The following SCFD2 variants were observed in gnomAD, a reference collection of about 807,000 sequenced individuals.
SCFD2 encodes the protein sec1 family domain containing 2, also known as sec1 family domain-containing protein 2.
In SCFD2, 54 loss-of-function variants were observed where a neutral mutation model predicts 58.9. That is an observed-to-expected ratio of 0.92 (90% confidence interval 0.74 to 1.15). The LOEUF (loss-of-function observed/expected upper bound fraction) is 1.15. Ranked by LOEUF, SCFD2 falls within the 50% of genes most tolerant of loss-of-function variation. The probability of loss-of-function intolerance (pLI) is 0.00; values close to 1 mark genes in which losing one functional copy is unlikely to be tolerated. For missense variants in SCFD2, 805 were observed against 836.6 expected, an observed-to-expected ratio of 0.96 and a Z score of 0.47; for synonymous variants, 321 against 335.9, an observed-to-expected ratio of 0.96 and a Z score of 0.49.
intron 2 of SCFD2, among the ~76,000 whole-genome samples, chr4:53,333,582 C>A (rs1327621006): frequency 2.0e-5 from 3 of 151,488 alleles, no homozygotes; most frequent in African/African-American, 7.3e-5. Flanking sequence ...TTCCTTATAC[C>A]TTATACAAAA....
intron 2 of SCFD2, among the ~76,000 whole-genome samples, chr4:53,334,136 C>G (rs1281353389): frequency 6.6e-6 from 1 of 151,926 alleles, no homozygotes; most frequent in Admixed American, 6.6e-5. Context: ...AATAGGAACA[C>G]TTTTACACTG....
At chr4:53,282,389 T>A (rs1456469249) in intron 3 of SCFD2, among the ~76,000 whole-genome samples, 2 of 152,192 alleles carry the variant, frequency 1.3e-5, no homozygotes, top group Admixed American at 1.3e-4. Flanking sequence ...GGAGATTTTC[T>A]TAATTTATCT....
Position 53,365,033 on chromosome 4 carries a change from A to G in SCFD2, c.838+71T>C. 2.7e-6 allele frequency: 4 copies of G among 1,503,926 alleles called. No homozygotes were observed. The highest frequency in any genetic ancestry group is 3.6e-6 in the Non-Finnish European group (4 of 1,116,880). The allele number at this position is 1,503,926 out of a possible 1,614,324, so 93.2% of individuals were successfully genotyped here. Reference sequence around the variant, plus strand: ...ATATATAATAAAAGGTCAATAAAATATATGCTGAATCAATGAAAGTCCCAG... The same window carrying G: ...ATATATAATAAAAGGTCAATAAAATGTATGCTGAATCAATGAAAGTCCCAG... On this transcript the variant is annotated intron_variant, in intron 1 of 8. Transcript: ENST00000401642. The surrounding 1 kb of genome is among the most constrained non-coding windows in gnomAD (Gnocchi z 4.3).
At chr4:52,918,203 A>G (rs1252773712) in intron 6 of SCFD2, among the ~76,000 whole-genome samples, 2 of 152,204 alleles carry the variant, frequency 1.3e-5, no homozygotes, top group Non-Finnish European at 2.9e-5. Context: ...TGAACAGAAT[A>G]TTGTTTAGCC....
At chr4:53,304,406 A>G (rs1039152833) in intron 3 of SCFD2, among the ~76,000 whole-genome samples, 48 of 152,114 alleles carry the variant, frequency 3.2e-4, no homozygotes, top group African/African-American at 1.2e-3. Context: ...CTCCTGGATA[A>G]TATCCTGAAG....
chr4:52,994,557 A>C (rs527366074), intron 5 of SCFD2, among the ~76,000 whole-genome samples: 43 of 152,272 alleles, frequency 2.8e-4, no homozygotes, highest in Non-Finnish European at 5.1e-4. Flanking sequence ...GAGATGAGTA[A>C]ACCAAGGTAT....
At chr4:52,921,160 A>T (rs1436926254) in intron 5 of SCFD2, among the ~76,000 whole-genome samples, 20 of 152,172 alleles carry the variant, frequency 1.3e-4, no homozygotes, top group Non-Finnish European at 1.5e-5. Context: ...CATTTCACAG[A>T]AAGCAAGCTC....
chr4:52,891,357 G>A (rs1718873030), intron 7 of SCFD2, among the ~76,000 whole-genome samples: 1 of 152,152 alleles, frequency 6.6e-6, no homozygotes, highest in Non-Finnish European at 1.5e-5. Flanking sequence ...TAAGTCAGTG[G>A]GTAAGTAAGG....
Position 52,886,945 on chromosome 4 carries a change from A to G in SCFD2, c.1843-1079T>C, listed in dbSNP as rs968866154. ...CCCCTTCTTTGTTGCATGGCTCTGT[A>G]TATTTCCTTCAAAGCATCTACAGCA... On this transcript the variant is annotated intron_variant, in intron 7 of 8. Transcript: ENST00000401642. Among the ~76,000 whole-genome samples, 12 of 152,230 alleles carry G rather than the reference A, an allele frequency of 7.9e-5. No homozygotes were observed. In the East Asian group the frequency reaches 2.3e-3, roughly 29 times the overall value.
chr4:53,114,536 T>A (rs552702195), intron 5 of SCFD2, among the ~76,000 whole-genome samples: 1 of 152,230 alleles, frequency 6.6e-6, no homozygotes, highest in South Asian at 2.1e-4. Context: ...ATTTGAATAA[T>A]TGTGGATTTC....
chr4:53,303,599 T>C (rs1732409045), intron 3 of SCFD2, among the ~76,000 whole-genome samples: 1 of 152,174 alleles, frequency 6.6e-6, no homozygotes, highest in Admixed American at 6.5e-5. Context: ...ATCCCATTAC[T>C]GTGTATATAC....
chr4:52,981,506 G>T (rs1014884675), intron 5 of SCFD2, among the ~76,000 whole-genome samples: 11 of 152,144 alleles, frequency 7.2e-5, no homozygotes, highest in African/African-American at 2.4e-4. Flanking sequence ...GTCAGGGTCA[G>T]TGCTGAGTAG....
intron 2 of SCFD2, among the ~76,000 whole-genome samples, chr4:53,341,448 G>A (rs909613672): frequency 4.6e-5 from 7 of 152,138 alleles, no homozygotes; most frequent in Non-Finnish European, 7.3e-5. Flanking sequence ...CAAGAAATAT[G>A]GGACTATGTG....
At chr4:53,245,076 A>G (rs1730023976) in intron 4 of SCFD2, among the ~76,000 whole-genome samples, 1 of 152,120 alleles carries the variant, frequency 6.6e-6, no homozygotes, top group South Asian at 2.1e-4. Flanking sequence ...GAATCCCTGA[A>G]TAGACCAATT....
At chr4:52,968,946 T>G (rs1460804815) in intron 5 of SCFD2, among the ~76,000 whole-genome samples, 1 of 152,198 alleles carries the variant, frequency 6.6e-6, no homozygotes, top group Non-Finnish European at 1.5e-5. Context: ...AAAATCCAGT[T>G]TTGGCAAAGA....
chr4:53,258,544 A>G (rs1360547313), intron 4 of SCFD2, among the ~76,000 whole-genome samples: 126 of 17,288 alleles, frequency 7.3e-3, no homozygotes, highest in African/African-American at 0.02. Context: ...GTGTGTATAT[A>G]TATATATATA....
intron 2 of SCFD2, among the ~76,000 whole-genome samples, chr4:53,334,631 T>C (rs1577979186): frequency 6.7e-6 from 1 of 149,876 alleles, no homozygotes; most frequent in African/African-American, 2.5e-5. Context: ...GGGATAGCAT[T>C]GGGAGATATA....
At chr4:53,028,191 G>A (rs1275959346) in intron 5 of SCFD2, among the ~76,000 whole-genome samples, 2 of 151,936 alleles carry the variant, frequency 1.3e-5, no homozygotes, top group Non-Finnish European at 2.9e-5. Flanking sequence ...AGGTTGCAGT[G>A]AGCAGAGATT....
chr4:53,263,283 C>T (rs1237211816), intron 4 of SCFD2, among the ~76,000 whole-genome samples: 2 of 152,190 alleles, frequency 1.3e-5, no homozygotes, highest in Admixed American at 6.5e-5. Flanking sequence ...GTTTGGATTG[C>T]TGGTAAGCTA....
Sources: gnomAD v4.1 joint callset for allele counts (sites outside exome capture counted in the v4.1 genomes callset) on GRCh38, gnomAD v4.1.1 for gene constraint, Gnocchi (gnomAD v3.1) non-coding constraint, MANE v1.5 for transcripts, NCBI Gene and HGNC (gene_info 2026-07-23, HGNC 2026-07-21) for gene names.